Variants in YES1 observed in about 807,000 individuals in gnomAD.
YES1 encodes YES proto-oncogene 1, Src family tyrosine kinase.
In YES1, 39 loss-of-function variants were observed where a neutral mutation model predicts 70.4. That is an observed-to-expected ratio of 0.55 (90% CI 0.43 to 0.72). The LOEUF is 0.72. Ranked by LOEUF, YES1 falls within the 30% of genes least tolerant of loss-of-function variation. YES1 has a pLI of 0.00. For synonymous variants in YES1, 198 were observed against 218.6 expected, an observed-to-expected ratio of 0.91 and a Z score of 0.83; for missense variants, 495 against 644.8, an observed-to-expected ratio of 0.77 and a Z score of 2.52.
chr18:761,849 G>A (rs1847630389), intron 1 of YES1, among the ~76,000 whole-genome samples: 1 of 152,158 alleles, frequency 6.6e-6, no homozygotes, highest in Admixed American at 6.5e-5. Flanking sequence ...GTAAATTTCA[G>A]GTGCAATATG....
intron 8 of YES1, among the ~76,000 whole-genome samples, chr18:741,348 A>G (rs556589943): frequency 6.6e-6 from 1 of 151,974 alleles, no homozygotes; most frequent in South Asian, 2.1e-4. Flanking sequence ...GGCTCAAGCA[A>G]TCCTCATGCC....
intron 1 of YES1, among the ~76,000 whole-genome samples, chr18:806,571 A>C (rs1907110161): frequency 6.6e-6 from 1 of 152,196 alleles, no homozygotes; most frequent in Admixed American, 6.5e-5. Flanking sequence ...TACAATTCAG[A>C]ATTTATTTAG....
chr18:789,458 C>T (rs1906130405), intron 1 of YES1, among the ~76,000 whole-genome samples: 1 of 152,066 alleles, frequency 6.6e-6, no homozygotes, highest in Non-Finnish European at 1.5e-5. Flanking sequence ...TAGTACAGGC[C>T]TGTAGTCCCA....
At chr18:756,106 C>G (rs2080402961) in intron 2 of YES1, among the ~76,000 whole-genome samples, 1 of 152,124 alleles carries the variant, frequency 6.6e-6, no homozygotes, top group Non-Finnish European at 1.5e-5. Flanking sequence ...TTTTTTAAAT[C>G]AGCAGCATCT....
intron 1 of YES1, among the ~76,000 whole-genome samples, chr18:799,770 A>G (rs1408476551): frequency 6.6e-6 from 1 of 152,052 alleles, no homozygotes; most frequent in Non-Finnish European, 1.5e-5. Context: ...GCATGGTGGC[A>G]TACACCTGTA....
In YES1 at chr18:806,815, T is replaced by C. The variant is rs1041441467; in HGVS notation, c.-9+5299A>G. Among the ~76,000 whole-genome samples the C allele has an allele frequency of 3.3e-5, 5 of 152,386 alleles. No homozygotes were observed. In the East Asian group the frequency reaches 5.8e-4, roughly 18 times the overall value. On this transcript the variant is annotated intron_variant, in intron 1 of 11. Coordinates refer to ENST00000314574, the MANE Select transcript of YES1 (RefSeq NM_005433.4). ...TTACTGTTCAAATGCATGGTCTAACTGTACCTCATCCTTCCTCTGGTTATA... is the reference window on the plus strand; with the variant it reads ...TTACTGTTCAAATGCATGGTCTAACCGTACCTCATCCTTCCTCTGGTTATA...
intron 1 of YES1, among the ~76,000 whole-genome samples, chr18:766,835 A>G (rs948327832): frequency 2.0e-5 from 3 of 152,062 alleles, no homozygotes; most frequent in Admixed American, 2.0e-4. Context: ...TACTACTCTA[A>G]CACTATTATA....
intron 1 of YES1, among the ~76,000 whole-genome samples, chr18:761,657 A>T (rs1904601393): frequency 6.6e-6 from 1 of 152,120 alleles, no homozygotes; most frequent in Non-Finnish European, 1.5e-5. Flanking sequence ...TCATTTTCTT[A>T]ATCCAGAGTA....
chr18:754,732 C>T (rs1419718236), intron 2 of YES1, among the ~76,000 whole-genome samples: 1 of 148,088 alleles, frequency 6.8e-6, no homozygotes, highest in African/African-American at 2.5e-5. Context: ...AAAAAAAAAT[C>T]TCAGCTCAAA....
intron 2 of YES1, 144 bp from the exon 3 acceptor site, chr18:751,948 A>G (rs2080349551): frequency 1.6e-6 from 1 of 635,284 alleles, no homozygotes; most frequent in African/African-American, 1.8e-5. Context: ...AGTTGGAACT[A>G]CTGAAGAATT....
intron 4 of YES1, among the ~76,000 whole-genome samples, chr18:746,554 GAAGA>G (rs2080283199): frequency 6.6e-6 from 1 of 152,148 alleles, no homozygotes; most frequent in Non-Finnish European, 1.5e-5. Context: ...CAGAAAATGA[GAAGA>G]AAGACAAAAG....
chr18:724,690 A>G (rs771662805), intron 11 of YES1, 58 bp from the exon 12 acceptor site: 4 of 1,406,356 alleles, frequency 2.8e-6, no homozygotes, highest in Non-Finnish European at 4.0e-6. Context: ...CTAGGAAAAC[A>G]TAACAAACCC....
At chr18:756,454 T>C (rs1368703817) in intron 2 of YES1, 103 bp downstream of exon 2, 14 of 1,408,010 alleles carry the variant, frequency 9.9e-6, no homozygotes. Flanking sequence ...ATTTGAAAAG[T>C]CCTCAAGTAA....
At chr18:725,336 G>A (rs1449014423) in intron 11 of YES1, among the ~76,000 whole-genome samples, 1 of 152,046 alleles carries the variant, frequency 6.6e-6, no homozygotes, top group Non-Finnish European at 1.5e-5. Flanking sequence ...CTGCAAGTCA[G>A]GCCATCCCTT....
rs927613257 is a variant in YES1 at position 803,073 on chromosome 18, T to TA, written c.-9+9040dup. On this transcript the variant is annotated intron_variant, in intron 1 of 11. Coordinates refer to ENST00000314574, the MANE Select transcript of YES1 (RefSeq NM_005433.4). The stretch of plus-strand genomic sequence containing the variant: ...GTGAGAAATTTTGAATTTTAAAAAT[T>TA]AAAAAAAAAATTAGCTGGGCATGGT... Among the ~76,000 whole-genome samples the TA allele has an allele frequency of 1.5e-4, 22 of 147,654 alleles. 1 individual carries two copies. Among genetic ancestry groups the TA allele is most frequent in the South Asian group, 4.3e-4 (2 of 4,630 alleles).
intron 1 of YES1, among the ~76,000 whole-genome samples, chr18:764,893 C>T (rs553897257): frequency 2.6e-5 from 4 of 151,814 alleles, no homozygotes; most frequent in Non-Finnish European, 4.4e-5. Context: ...CCACCACACC[C>T]GGCTAATTTT....
intron 11 of YES1, among the ~76,000 whole-genome samples, chr18:730,855 G>T (rs11081309): frequency 0.011 from 1,721 of 152,202 alleles, 34 homozygotes; most frequent in African/African-American, 0.039. Flanking sequence ...ATGGCTGTGT[G>T]GTTTTTTTCT....
intron 1 of YES1, among the ~76,000 whole-genome samples, chr18:763,250 T>C (rs989354528): frequency 2.6e-5 from 4 of 152,170 alleles, no homozygotes; most frequent in African/African-American, 9.7e-5. Context: ...CCAGGGAGCA[T>C]TAGGAATCCA....
At chr18:758,347 A>AT (rs1208987569) in intron 1 of YES1, among the ~76,000 whole-genome samples, 1 of 152,170 alleles carries the variant, frequency 6.6e-6, no homozygotes, top group Non-Finnish European at 1.5e-5. Context: ...AAGTAGATCT[A>AT]TACCTTTTCC....
Sources: gnomAD v4.1 joint callset for allele counts (sites outside exome capture counted in the v4.1 genomes callset) on GRCh38, gnomAD v4.1.1 for gene constraint, MANE v1.5 for transcripts, NCBI Gene and HGNC (gene_info 2026-07-23, HGNC 2026-07-21) for gene names.